Variants in LUC7L2 observed in about 807,000 individuals in gnomAD.
LUC7L2 encodes the protein putative RNA-binding protein Luc7-like 2.
A neutral mutation model predicts 52.8 loss-of-function variants in LUC7L2; 25 were observed. The observed-to-expected ratio is 0.47, with a 90% confidence interval of 0.34 to 0.66. The LOEUF (loss-of-function observed/expected upper bound fraction) is 0.66. LUC7L2 is among the 30% of genes least tolerant of loss of function. The pLI is 0.01. For missense variants in LUC7L2, 328 were observed against 497.8 expected (o/e 0.66, Z 3.25); for synonymous variants, 144 against 160.9 (o/e 0.89, Z 0.80).
intron 1 of LUC7L2, chr7:139,345,735 A>T: frequency 1.9e-6 from 3 of 1,590,000 alleles, no homozygotes; most frequent in Non-Finnish European, 2.6e-6. Flanking sequence ...TGCTGCATTC[A>T]TAGGAGAATT....
chr7:139,367,143 T>G (rs898587593), intron 1 of LUC7L2, among the ~76,000 whole-genome samples: 2 of 152,050 alleles, frequency 1.3e-5, no homozygotes, highest in Non-Finnish European at 2.9e-5. Flanking sequence ...TGCTAATTTT[T>G]GTATTTTTAG....
At chr7:139,374,306 C>A in intron 1 of LUC7L2, 1 of 873,742 alleles carries the variant, frequency 1.1e-6, no homozygotes, top group Non-Finnish European at 1.8e-6. Flanking sequence ...AGAATCTTTA[C>A]AGTCAACATG....
At chr7:139,351,620 C>T (rs1366550011) in intron 1 of LUC7L2, among the ~76,000 whole-genome samples, 2 of 152,218 alleles carry the variant, frequency 1.3e-5, no homozygotes, top group Non-Finnish European at 2.9e-5. Context: ...ACCTCCAGGG[C>T]CTGGCCCTTG....
intron 1 of LUC7L2, among the ~76,000 whole-genome samples, chr7:139,371,853 A>G (rs1200056124): frequency 6.6e-6 from 1 of 152,148 alleles, no homozygotes; most frequent in East Asian, 1.9e-4. Flanking sequence ...TTAGGCTCTG[A>G]TACATTGGTG....
chr7:139,407,022 T>TTGG, intron 5 of LUC7L2, 152 bp from the exon 6 acceptor site: 1 of 319,780 alleles, frequency 3.1e-6, no homozygotes, highest in Non-Finnish European at 5.1e-6. Flanking sequence ...TTTTTTTTTT[T>TTGG]GAGCTGGAGT....
chr7:139,409,918 C>T (rs1161611688), intron 7 of LUC7L2, among the ~76,000 whole-genome samples: 2 of 152,208 alleles, frequency 1.3e-5, no homozygotes, highest in East Asian at 3.9e-4. Flanking sequence ...AGATTTATAA[C>T]AAAATCCAGC....
intron 2 of LUC7L2, among the ~76,000 whole-genome samples, chr7:139,394,910 C>G (rs1794595033): frequency 6.6e-6 from 1 of 152,180 alleles, no homozygotes; most frequent in African/African-American, 2.4e-5. Context: ...GTGAGTGGTT[C>G]TCAACATTGC....
At chr7:139,375,053 T>C in intron 1 of LUC7L2, 2 of 983,662 alleles carry the variant, frequency 2.0e-6, no homozygotes, top group Non-Finnish European at 2.4e-6. Flanking sequence ...AGTTTAAGGC[T>C]AAAATAAAAC....
chr7:139,359,580 C>T (rs1450755381), upstream of LUC7L2: 2 of 379,182 alleles, frequency 5.3e-6, no homozygotes, highest in Admixed American at 4.5e-5. Flanking sequence ...TCCGCCCAGG[C>T]TAACCTCTAG....
chr7:139,352,322 T>G (rs1263921689), intron 1 of LUC7L2, among the ~76,000 whole-genome samples: 6 of 152,034 alleles, frequency 3.9e-5, no homozygotes, highest in Non-Finnish European at 8.8e-5. Context: ...AGACACCTTC[T>G]CTACAAAAAT....
intron 2 of LUC7L2, among the ~76,000 whole-genome samples, chr7:139,376,615 AAT>A (rs1269122480): frequency 1.3e-5 from 2 of 152,336 alleles, no homozygotes; most frequent in Non-Finnish European, 2.9e-5. Flanking sequence ...TGTCACTTAA[AAT>A]ATTGCTCCTG....
At chr7:139,373,572 A>G (rs998205228) in intron 1 of LUC7L2, among the ~76,000 whole-genome samples, 1 of 151,704 alleles carries the variant, frequency 6.6e-6, no homozygotes, top group African/African-American at 2.4e-5. Context: ...GAAAATATGT[A>G]CAACTATTAT....
chr7:139,403,282 G>A (rs565947197), intron 4 of LUC7L2, among the ~76,000 whole-genome samples: 5 of 152,126 alleles, frequency 3.3e-5, no homozygotes, highest in African/African-American at 9.6e-5. Flanking sequence ...TTATAGAGTC[G>A]ATTTATTAGA....
upstream of LUC7L2, among the ~76,000 whole-genome samples, chr7:139,357,774 C>T (rs1308689773): frequency 6.6e-6 from 1 of 151,956 alleles, no homozygotes; most frequent in Admixed American, 6.6e-5. Flanking sequence ...TCACTGCAAC[C>T]TCCGCCTCTT....
chr7:139,378,855 A>AG (rs1208786436), intron 2 of LUC7L2, among the ~76,000 whole-genome samples: 1 of 152,062 alleles, frequency 6.6e-6, no homozygotes, highest in African/African-American at 2.4e-5. Context: ...GGTCCTCAAA[A>AG]CTCTGCTTAA....
At chr7:139,364,218 C>T (rs922176716) in intron 1 of LUC7L2, among the ~76,000 whole-genome samples, 11 of 151,784 alleles carry the variant, frequency 7.2e-5, no homozygotes, top group African/African-American at 1.9e-4. Flanking sequence ...CTCCTGACCT[C>T]GGGTGATCCA....
At chr7:139,390,789 C>A (rs1039194956) in intron 2 of LUC7L2, among the ~76,000 whole-genome samples, 7 of 152,208 alleles carry the variant, frequency 4.6e-5, no homozygotes, top group Middle Eastern at 6.8e-3. Context: ...ATCTCCTGAC[C>A]TCGTGATTCG....
chr7:139,404,068 A>G (rs181743022), intron 4 of LUC7L2, among the ~76,000 whole-genome samples: 1 of 152,344 alleles, frequency 6.6e-6, no homozygotes, highest in East Asian at 1.9e-4. Context: ...TTTAAAGGAA[A>G]ATACCATTTG....
At chr7:139,387,839 A>G (rs1398452745) in intron 2 of LUC7L2, among the ~76,000 whole-genome samples, 1 of 152,102 alleles carries the variant, frequency 6.6e-6, no homozygotes, top group Admixed American at 6.6e-5. Context: ...TGAAGCCTGA[A>G]ACTCCTGGCC....
Sources: gnomAD v4.1 joint callset for allele counts (sites outside exome capture counted in the v4.1 genomes callset) on GRCh38, gnomAD v4.1.1 for gene constraint, MANE v1.5 for transcripts, NCBI Gene and HGNC (gene_info 2026-07-23, HGNC 2026-07-21) for gene names.